Variants in BOLL observed in about 807,000 individuals in gnomAD.
BOLL encodes the protein boule RNA binding protein, also known as protein boule-like.
A neutral mutation model predicts 44.4 loss-of-function variants in BOLL; 23 were observed. That is an observed-to-expected ratio of 0.52 (90% CI 0.37 to 0.73). BOLL has a LOEUF of 0.73. Among genes scored for constraint, BOLL ranks in the 30% least tolerant of loss-of-function variants. The pLI is 0.00. For missense variants in BOLL, 287 were observed against 338.3 expected (o/e 0.85, Z 1.19); for synonymous variants, 97 against 110.8 (o/e 0.88, Z 0.78).
At chr2:197,759,051 A>G in intron 7 of BOLL, 1 of 1,438,664 alleles carries the variant, frequency 7.0e-7, no homozygotes. Flanking sequence ...ATGGCTGACC[A>G]GAGATGCCTA....
chr2:197,763,459 G>A (rs1370255237), intron 7 of BOLL, among the ~76,000 whole-genome samples: 1 of 148,966 alleles, frequency 6.7e-6, no homozygotes, highest in African/African-American at 2.5e-5. Flanking sequence ...ACTCCAGCCT[G>A]GGCGACAGAG....
chr2:197,733,531 T>C (rs1433880260), intron 10 of BOLL, among the ~76,000 whole-genome samples: 11 of 151,876 alleles, frequency 7.2e-5, no homozygotes, highest in African/African-American at 2.7e-4. Flanking sequence ...AGAACAAAGC[T>C]GGAGGCATCA....
At chr2:197,775,411 AT>A (rs1367222517) in intron 5 of BOLL, among the ~76,000 whole-genome samples, 2 of 151,632 alleles carry the variant, frequency 1.3e-5, no homozygotes, top group African/African-American at 2.4e-5. Flanking sequence ...ATCACGAAAG[AT>A]TTTTTTTCCT....
intron 10 of BOLL, among the ~76,000 whole-genome samples, chr2:197,728,893 T>A (rs1027957245): frequency 1.3e-5 from 2 of 152,052 alleles, no homozygotes; most frequent in African/African-American, 4.8e-5. Flanking sequence ...TTCTATTAGG[T>A]GGGTCTTAAA....
Position 197,785,095 on chromosome 2 carries a change from C to T in BOLL, c.-55G>A, listed in dbSNP as rs1195840074. 1 of 985,910 alleles carries T rather than the reference C, an allele frequency of 1.0e-6. No individual in the cohort carries two copies. The highest frequency in any genetic ancestry group is 1.2e-6 in the Non-Finnish European group (1 of 829,956). 61.1% of individuals were successfully genotyped at this position (985,910 alleles called of 1,614,324 possible). A position where few individuals can be genotyped will look rare whatever the true frequency, so the allele number is the denominator to read the frequency against. ...CCTCGGCGCTCCTCCCCCTCCAAGG[C>T]CAGCAAGTTGCGGCACTGGGGGAAA... is the stretch of plus-strand genomic sequence containing the variant. On this transcript the variant is annotated 5_prime_UTR_variant, in exon 1 of 11. Transcript: ENST00000392296. The surrounding 1 kb of genome is among the most constrained non-coding windows in gnomAD (Gnocchi z 6.7).
At position 197,727,292 on chromosome 2, in the gene BOLL, A is replaced by G. The variant is rs905597745; in HGVS notation, c.*1263T>C. The G allele has an allele frequency of 6.6e-6, 1 of 152,382 alleles. No individual in the cohort carries two copies. Among genetic ancestry groups the G allele is most frequent in the Non-Finnish European group, 1.5e-5 (1 of 68,052 alleles). The allele number at this position is 152,382 out of a possible 1,614,324, so 9.4% of individuals were successfully genotyped here. On this transcript the variant is annotated 3_prime_UTR_variant, in exon 11 of 11. Transcript: ENST00000392296. The stretch of plus-strand genomic sequence containing the variant: ...CTGCTGCTGCTGCTGAGCATGGAAT[A>G]CATGTGGGGTTGAAACAGGGGAGGA...
At chr2:197,752,712 A>G (rs1688318296) in intron 9 of BOLL, among the ~76,000 whole-genome samples, 1 of 152,246 alleles carries the variant, frequency 6.6e-6, no homozygotes. Context: ...CAATATTGTG[A>G]AAATGGCCAT....
chr2:197,762,857 A>G (rs1688823905), intron 7 of BOLL, among the ~76,000 whole-genome samples: 1 of 152,204 alleles, frequency 6.6e-6, no homozygotes, highest in South Asian at 2.1e-4. Context: ...CAAAATTAGT[A>G]GAAGAAAAGA....
chr2:197,739,322 C>T (rs1025455357), intron 10 of BOLL, among the ~76,000 whole-genome samples: 1 of 152,030 alleles, frequency 6.6e-6, no homozygotes, highest in Non-Finnish European at 1.5e-5. Flanking sequence ...AATGCAGTGG[C>T]GTGATCATAG....
intron 7 of BOLL, among the ~76,000 whole-genome samples, chr2:197,762,537 C>A (rs577649179): frequency 1.7e-3 from 254 of 151,892 alleles, no homozygotes; most frequent in African/African-American, 5.1e-3. Flanking sequence ...TTAAAAAAAA[C>A]TGAAATTATA....
rs1209858723 is a variant in BOLL at position 197,726,990 on chromosome 2, TA to T, written c.*1564del. 1.3e-5 allele frequency: 2 copies of T among 152,694 alleles called. No homozygotes were observed. Among genetic ancestry groups the T allele is most frequent in the Non-Finnish European group, 2.9e-5 (2 of 68,046 alleles). 9.5% of individuals were successfully genotyped at this position (152,694 alleles called of 1,614,324 possible). ...ACATAAACTTTTTGGTTCTCAAGGA[TA>T]GTGCTATTAAAAGAAAATCTTGAAC... is the stretch of plus-strand genomic sequence containing the variant. On this transcript the variant is annotated 3_prime_UTR_variant, in exon 11 of 11. Transcript: ENST00000392296.
At chr2:197,782,734 A>G (rs1260399406) in intron 1 of BOLL, among the ~76,000 whole-genome samples, 1 of 152,236 alleles carries the variant, frequency 6.6e-6, no homozygotes, top group East Asian at 1.9e-4. Context: ...ACTAATGGTC[A>G]TCGACAAGTT....
chr2:197,779,210 T>C, intron 2 of BOLL, 144 bp from the exon 3 acceptor site: 2 of 578,168 alleles, frequency 3.5e-6, no homozygotes, highest in East Asian at 5.8e-5. Flanking sequence ...CATAAACCAC[T>C]AGGTGATTAA....
At chr2:197,762,293 G>A (rs922865722) in intron 7 of BOLL, among the ~76,000 whole-genome samples, 3 of 152,208 alleles carry the variant, frequency 2.0e-5, no homozygotes, top group East Asian at 1.9e-4. Flanking sequence ...GCAGTGAGCC[G>A]AGATCATGCC....
chr2:197,784,755 C>T (rs997145373), intron 1 of BOLL: 109 of 987,414 alleles, frequency 1.1e-4, no homozygotes, highest in Non-Finnish European at 1.3e-4. Flanking sequence ...TTAGCAATAG[C>T]AAGGCTCAGG....
At chr2:197,784,387 AATACATATATATATATATAT>A (rs1207884416) in intron 1 of BOLL, among the ~76,000 whole-genome samples, 1 of 94,450 alleles carries the variant, frequency 1.1e-5, no homozygotes, top group Admixed American at 1.3e-4. Context: ...ACAGCAGTCT[AATACATATATATATATATAT>A]ATATATATAT....
chr2:197,778,913 A>C, intron 3 of BOLL, 62 bp downstream of exon 3: 1 of 1,423,692 alleles, frequency 7.0e-7, no homozygotes, highest in Non-Finnish European at 9.7e-7. Flanking sequence ...TGGCGTACAA[A>C]ACCTAGTCAT....
intron 10 of BOLL, among the ~76,000 whole-genome samples, chr2:197,735,568 G>A (rs969187305): frequency 6.6e-6 from 1 of 152,058 alleles, no homozygotes; most frequent in Non-Finnish European, 1.5e-5. Flanking sequence ...TAGTTTAGAC[G>A]ACTGTACTGA....
At chr2:197,758,061 T>A (rs1168337383) in intron 7 of BOLL, among the ~76,000 whole-genome samples, 1 of 152,224 alleles carries the variant, frequency 6.6e-6, no homozygotes, top group Non-Finnish European at 1.5e-5. Flanking sequence ...CTGGTGGGAA[T>A]GTAAAATGGC....
Sources: gnomAD v4.1 joint callset for allele counts (sites outside exome capture counted in the v4.1 genomes callset) on GRCh38, gnomAD v4.1.1 for gene constraint, Gnocchi (gnomAD v3.1) non-coding constraint, MANE v1.5 for transcripts, NCBI Gene and HGNC (gene_info 2026-07-23, HGNC 2026-07-21) for gene names.